PHF14: variants seen among roughly 807,000 people sequenced by gnomAD.
PHF14 encodes the protein PHD finger protein 14.
A neutral mutation model predicts 117.9 loss-of-function variants in PHF14; 55 were observed. The observed-to-expected ratio is 0.47, with a 90% CI of 0.38 to 0.58. The LOEUF (loss-of-function observed/expected upper bound fraction) is 0.58, where lower values mean the gene tolerates loss of function less well. Among genes scored for constraint, PHF14 ranks in the 20% least tolerant of loss-of-function variants. The pLI, the probability that PHF14 is intolerant of heterozygous loss-of-function variation, is 0.00. For missense variants in PHF14, 978 were observed against 1,122.2 expected, an observed-to-expected ratio of 0.87 and a Z score of 1.84; for synonymous variants, 409 against 368.6, an observed-to-expected ratio of 1.11 and a Z score of -1.26.
chr7:11,007,063 G>C (rs1333633010), intron 4 of PHF14, among the ~76,000 whole-genome samples: 1 of 152,014 alleles, frequency 6.6e-6, no homozygotes, highest in East Asian at 1.9e-4. Flanking sequence ...TGTAATCCCA[G>C]CTACTTGGGA....
chr7:11,151,073 A>G (rs920521034), intron 17 of PHF14, among the ~76,000 whole-genome samples: 3 of 150,136 alleles, frequency 2.0e-5, no homozygotes, highest in Non-Finnish European at 4.4e-5. Flanking sequence ...AATCTTAGAC[A>G]AAAAAACCTG....
chr7:11,062,655 ATTTT>A, intron 16 of PHF14: 1 of 964,640 alleles, frequency 1.0e-6, no homozygotes, highest in Non-Finnish European at 1.2e-6. Context: ...TTGGTACTTT[ATTTT>A]TTTTTAATCA....
chr7:11,146,719 C>T (rs573359244), intron 17 of PHF14, among the ~76,000 whole-genome samples: 1 of 152,290 alleles, frequency 6.6e-6, no homozygotes, highest in East Asian at 1.9e-4. Context: ...TTCAGCTCCG[C>T]ATGGTCATTT....
intron 16 of PHF14, chr7:11,102,337 G>A: frequency 1.4e-6 from 1 of 698,924 alleles, no homozygotes; most frequent in South Asian, 2.6e-5. Flanking sequence ...CAAGATCATG[G>A]CATTTAGGTT....
In PHF14 at chr7:11,042,788, G is replaced by T; in HGVS notation, c.2286G>T (p.Met762Ile). Residue 762 changes from methionine to isoleucine, a missense_variant, in exon 13 of 18, where the codon ATG becomes ATT. By Grantham distance (10) the Met-to-Ile change is conservative (BLOSUM62 1). Coordinates refer to ENST00000634607, the MANE Select transcript of PHF14 (RefSeq NM_001007157.2). ...LGCLDPPLTR[M>I]PRKTKNSYWQ... Reference sequence around the variant, plus strand: ...GTCTGGATCCTCCTCTTACAAGGATGCCAAGAAAGACCAAAAACAGTTATT... The same window carrying T: ...GTCTGGATCCTCCTCTTACAAGGATTCCAAGAAAGACCAAAAACAGTTATT... The T allele has an allele frequency of 6.3e-7, 1 of 1,582,628 alleles. No homozygotes were observed. Among genetic ancestry groups the T allele is most frequent in the Non-Finnish European group, 8.6e-7 (1 of 1,161,198 alleles).
At chr7:11,112,931 C>T (rs991258322) in intron 17 of PHF14, among the ~76,000 whole-genome samples, 1 of 151,868 alleles carries the variant, frequency 6.6e-6, no homozygotes, top group South Asian at 2.1e-4. Flanking sequence ...TAAGAGAGAA[C>T]ATATTTAATT....
chr7:11,023,386 G>A (rs1232935192), intron 6 of PHF14, among the ~76,000 whole-genome samples: 1 of 152,144 alleles, frequency 6.6e-6, no homozygotes, highest in African/African-American at 2.4e-5. Context: ...TAATTGTTTT[G>A]GGGCGTGCCG....
At chr7:11,001,703 T>C (rs559406617) in intron 4 of PHF14, among the ~76,000 whole-genome samples, 178 of 152,330 alleles carry the variant, frequency 1.2e-3, no homozygotes, top group African/African-American at 4.2e-3. Context: ...CAATTGGCTT[T>C]TGTATATTAA....
rs921708405 is a variant in PHF14, at chr7:11,107,286, CTCT to C, written c.2655-4059_2655-4057del. 1.3e-5 allele frequency: 13 copies of C among 973,426 alleles called. No individual in the cohort carries two copies. The East Asian group carries it at 4.6e-4, about 34-fold the overall frequency. 60.3% of individuals were successfully genotyped at this position (973,426 alleles called of 1,614,324 possible). A position where few individuals can be genotyped will look rare whatever the true frequency, so the allele number is the denominator to read the frequency against. On this transcript the variant is annotated intron_variant, in intron 16 of 17. Coordinates refer to ENST00000634607, the MANE Select transcript of PHF14 (RefSeq NM_001007157.2). ...ATATGAAGGTAAATCATTTTTTTCC[CTCT>C]TCTTTGTTTAGGGTGCTATTCTTAA... is the stretch of plus-strand genomic sequence containing the variant.
intron 17 of PHF14, among the ~76,000 whole-genome samples, chr7:11,154,872 T>C (rs995727874): frequency 1.3e-5 from 2 of 152,184 alleles, no homozygotes; most frequent in African/African-American, 2.4e-5. Flanking sequence ...TACAATTATA[T>C]TGTAATACCA....
At chr7:11,120,592 T>C (rs1468006653) in intron 17 of PHF14, among the ~76,000 whole-genome samples, 1 of 152,108 alleles carries the variant, frequency 6.6e-6, no homozygotes, top group Non-Finnish European at 1.5e-5. Context: ...TTATAATTAA[T>C]GTATTTTTAA....
chr7:11,056,174 A>G (rs943505109), intron 14 of PHF14, among the ~76,000 whole-genome samples: 1 of 152,162 alleles, frequency 6.6e-6, no homozygotes, highest in Non-Finnish European at 1.5e-5. Context: ...GGGTGTCCTT[A>G]GCTCAAGTAA....
chr7:11,153,697 T>C (rs533454728), intron 17 of PHF14, among the ~76,000 whole-genome samples: 1 of 152,148 alleles, frequency 6.6e-6, no homozygotes, highest in Non-Finnish European at 1.5e-5. Flanking sequence ...ATATTGTCAT[T>C]GGTAAGGATT....
chr7:11,037,043 A>G lies in PHF14; in HGVS notation c.1932A>G (p.Lys644=). 1 of 1,508,066 alleles carries G rather than the reference A, an allele frequency of 6.6e-7. No homozygotes were observed. Among genetic ancestry groups the G allele is most frequent in the Non-Finnish European group, 9.1e-7 (1 of 1,100,552 alleles). 93.4% of individuals were successfully genotyped at this position (1,508,066 alleles called of 1,614,324 possible). A position where few individuals can be genotyped will look rare whatever the true frequency, so the allele number is the denominator to read the frequency against. ...ATATGGCTGAACAAAAGAATATAAA[A>G]GATAAATTAGAGAATGAACAAGAAA... ...QENMAEQKNI[K]DKLENEQEKL... is the part of the protein sequence containing the mutation. Residue 644 remains lysine, a synonymous_variant, in exon 10 of 18, where the codon AAA becomes AAG. Coordinates refer to ENST00000634607, the MANE Select transcript of PHF14 (RefSeq NM_001007157.2).
rs754364821 is a variant in PHF14, at chr7:10,982,729, C to T, written c.470C>T (p.Pro157Leu). 3.1e-6 allele frequency: 5 copies of T among 1,613,244 alleles called. No individual in the cohort carries two copies. The highest frequency in any genetic ancestry group is 2.7e-5 in the African/African-American group (2 of 74,898). Residue 157 changes from proline (P) to leucine (L), a missense_variant, in exon 3 of 18, where the codon CCT (proline) becomes CTT (leucine). By Grantham distance (98) the Pro-to-Leu change is moderately conservative. This residue lies in a region of PHF14 where 414 missense variants were observed against 376.4 expected (regional missense o/e 1.10). Transcript: ENST00000634607. The stretch of plus-strand genomic sequence containing the variant: ...GCTGCCACCACACCAGCCACAAGTC[C>T]TCCTGCTGTTAACACATCCCCTTCT... ...SAAATTPATS[P>L]PAVNTSPSVP...
Position 10,985,637 on chromosome 7 carries a change from T to G in PHF14, c.900+2478T>G, listed in dbSNP as rs796698182. 2.8e-4 allele frequency among the ~76,000 whole-genome samples: 27 copies of G among 96,828 alleles called. 2 individuals are homozygous for G. The South Asian group carries it at 6.8e-3, about 24-fold the overall frequency. The allele number at this position is 96,828 out of a possible 152,430, so 63.5% of individuals were successfully genotyped here. A position where few individuals can be genotyped will look rare whatever the true frequency, so the allele number is the denominator to read the frequency against. On this transcript the variant is annotated intron_variant, in intron 3 of 17. Transcript: ENST00000634607. Reference sequence around the variant, plus strand: ...TACTCTCTAGCAGTGATTCTCAAACTGTTTTTTTTTTTTTTTTTTTTTTTT... The same window carrying G: ...TACTCTCTAGCAGTGATTCTCAAACGGTTTTTTTTTTTTTTTTTTTTTTTT...
chr7:11,122,352 T>TATATATATACACACACAC, intron 17 of PHF14, among the ~76,000 whole-genome samples: 4 of 65,872 alleles, frequency 6.1e-5, no homozygotes, highest in East Asian at 1.2e-3. Context: ...TATATATATA[T>TATATATATACACACACAC]ACACACACAC....
intron 16 of PHF14, among the ~76,000 whole-genome samples, chr7:11,086,277 G>A (rs1786406329): frequency 6.6e-6 from 1 of 152,060 alleles, no homozygotes; most frequent in Non-Finnish European, 1.5e-5. Flanking sequence ...GGCTTATAAG[G>A]CCCTCCAAAC....
chr7:11,053,987 T>A (rs372969091), intron 14 of PHF14, among the ~76,000 whole-genome samples: 98 of 152,096 alleles, frequency 6.4e-4, no homozygotes, highest in African/African-American at 2.2e-3. Context: ...GTGATTATTT[T>A]CTTACTTGTA....
Sources: allele counts gnomAD v4.1 joint callset (sites outside exome capture counted in the v4.1 genomes callset), GRCh38; gene constraint gnomAD v4.1.1; regional missense constraint gnomAD v4.1.1; transcripts MANE v1.5; gene names NCBI Gene and HGNC (gene_info 2026-07-23, HGNC 2026-07-21).